Variants in GALNT13 observed in about 807,000 individuals in gnomAD.
GALNT13 encodes the protein polypeptide N-acetylgalactosaminyltransferase 13.
In GALNT13, 28 loss-of-function variants were observed where a neutral mutation model predicts 64.2. The observed-to-expected ratio is 0.44, with a 90% CI of 0.32 to 0.60. The LOEUF (loss-of-function observed/expected upper bound fraction) is 0.60. Ranked by LOEUF, GALNT13 falls within the 20% of genes least tolerant of loss-of-function variation. The pLI is 0.05. For missense variants in GALNT13, 577 were observed against 669.8 expected (o/e 0.86, Z 1.53); for synonymous variants, 214 against 224.6 (o/e 0.95, Z 0.42).
At chr2:153,425,075 G>A in the GALNT13 span, among the ~76,000 whole-genome samples, 2 of 151,664 alleles carry the variant, frequency 1.3e-5, no homozygotes, top group South Asian at 4.2e-4. Context: ...ATTATATATT[G>A]CAGTGGATAT....
chr2:154,154,037 A>G (rs1378816989), intron 4 of GALNT13, among the ~76,000 whole-genome samples: 1 of 152,094 alleles, frequency 6.6e-6, no homozygotes, highest in Non-Finnish European at 1.5e-5. Context: ...TCACGCTGGG[A>G]GCTGTAGACC....
the GALNT13 span, among the ~76,000 whole-genome samples, chr2:153,624,197 C>A: frequency 6.6e-6 from 1 of 152,002 alleles, no homozygotes. Context: ...TTATTTGATT[C>A]CTTATGTCTT....
chr2:153,363,955 A>G, the GALNT13 span, among the ~76,000 whole-genome samples: 1 of 152,216 alleles, frequency 6.6e-6, no homozygotes, highest in Non-Finnish European at 1.5e-5. Flanking sequence ...CTTCAGGCCA[A>G]TATTTCTGAT....
chr2:153,251,254 C>A, the GALNT13 span, among the ~76,000 whole-genome samples: 6 of 152,142 alleles, frequency 3.9e-5, no homozygotes, highest in African/African-American at 1.4e-4. Flanking sequence ...TCTAATATGA[C>A]TTAGTGTATG....
At chr2:153,550,258 A>G in the GALNT13 span, among the ~76,000 whole-genome samples, 2 of 148,718 alleles carry the variant, frequency 1.3e-5, no homozygotes, top group African/African-American at 5.0e-5. Flanking sequence ...TTTTTTGGAG[A>G]CAGTCTCACT....
chr2:153,731,595 A>T, the GALNT13 span, among the ~76,000 whole-genome samples: 1 of 152,018 alleles, frequency 6.6e-6, no homozygotes, highest in Non-Finnish European at 1.5e-5. Flanking sequence ...ACTGATGCAT[A>T]TTACATGACA....
the GALNT13 span, among the ~76,000 whole-genome samples, chr2:153,866,222 T>G: frequency 1.5e-5 from 2 of 137,242 alleles, no homozygotes; most frequent in East Asian, 2.3e-4. Context: ...GATGACGAGT[T>G]AGTGGGTGCA....
At chr2:153,401,851 G>A in the GALNT13 span, among the ~76,000 whole-genome samples, 386 of 152,154 alleles carry the variant, frequency 2.5e-3, 1 homozygote, top group African/African-American at 7.7e-3. Context: ...CCTGAATACA[G>A]CACACTGATG....
chr2:153,956,651 C>T (rs1436042122), intron 3 of GALNT13, among the ~76,000 whole-genome samples: 2 of 152,148 alleles, frequency 1.3e-5, no homozygotes, highest in Non-Finnish European at 2.9e-5. Flanking sequence ...CTCTACATCT[C>T]TCTTTTTTAC....
intron 3 of GALNT13, among the ~76,000 whole-genome samples, chr2:154,129,834 C>T (rs977802035): frequency 2.6e-5 from 4 of 152,044 alleles, no homozygotes; most frequent in African/African-American, 9.7e-5. Flanking sequence ...ATGTACTCCT[C>T]CATGAGATCT....
At chr2:154,146,124 ATGTGTG>A (rs1229124539) in intron 4 of GALNT13, among the ~76,000 whole-genome samples, 1 of 130,586 alleles carries the variant, frequency 7.7e-6, no homozygotes, top group Non-Finnish European at 1.6e-5. Flanking sequence ...TGCACAATGT[ATGTGTG>A]TGTGTGTATA....
chr2:154,285,536 G>A (rs944414767), intron 8 of GALNT13, among the ~76,000 whole-genome samples: 5 of 151,856 alleles, frequency 3.3e-5, no homozygotes, highest in African/African-American at 9.7e-5. Context: ...AAATACTTAG[G>A]TTTATTTCTG....
At chr2:153,255,673 A>G in the GALNT13 span, among the ~76,000 whole-genome samples, 3 of 151,998 alleles carry the variant, frequency 2.0e-5, no homozygotes, top group African/African-American at 7.3e-5. Context: ...TGGTGACAAA[A>G]TCTCTCAGCA....
intron 3 of GALNT13, among the ~76,000 whole-genome samples, chr2:154,109,396 A>G (rs1463220295): frequency 6.6e-6 from 1 of 151,994 alleles, no homozygotes; most frequent in Admixed American, 6.6e-5. Flanking sequence ...GTCATTTCCT[A>G]TACGTAAGAT....
the GALNT13 span, among the ~76,000 whole-genome samples, chr2:153,470,098 T>C: frequency 6.6e-6 from 1 of 152,152 alleles, no homozygotes; most frequent in African/African-American, 2.4e-5. Context: ...TCAGAAGACA[T>C]AGATCCCCTT....
At chr2:153,252,614 G>C in the GALNT13 span, among the ~76,000 whole-genome samples, 1 of 152,154 alleles carries the variant, frequency 6.6e-6, no homozygotes. Context: ...GGTCTAACCT[G>C]TAAGTCTTTA....
At position 154,421,360 on chromosome 2, in the gene GALNT13, A is replaced by C. The variant is rs76255040; in HGVS notation, c.1395+12278A>C. Among the ~76,000 whole-genome samples the C allele has an allele frequency of 2.0e-4, 30 of 152,224 alleles. No homozygotes were observed. In the East Asian group the frequency reaches 5.8e-3, roughly 29 times the overall value. ...AGGAGACTAATCAAGTGGAAGCTAC[A>C]CATCGATATGGCTAAAACACAATGT... On this transcript the variant is annotated intron_variant, in intron 11 of 12. Coordinates refer to ENST00000392825, the MANE Select transcript of GALNT13 (RefSeq NM_052917.4).
chr2:154,440,364 T>G (rs1574313278), intron 12 of GALNT13, among the ~76,000 whole-genome samples: 1 of 152,136 alleles, frequency 6.6e-6, no homozygotes, highest in South Asian at 2.1e-4. Context: ...CTCAAATAAC[T>G]ACTGTTAGCA....
chr2:153,635,280 C>G, the GALNT13 span, among the ~76,000 whole-genome samples: 1 of 151,724 alleles, frequency 6.6e-6, no homozygotes, highest in Non-Finnish European at 1.5e-5. Flanking sequence ...AGTACACTAC[C>G]TTTCCACAAT....
Sources: allele counts gnomAD v4.1 joint callset (sites outside exome capture counted in the v4.1 genomes callset), GRCh38; gene constraint gnomAD v4.1.1; transcripts MANE v1.5; gene names NCBI Gene and HGNC (gene_info 2026-07-23, HGNC 2026-07-21).